Variants in EAF2 observed in about 807,000 individuals in gnomAD.
The protein encoded by EAF2 is ELL-associated factor 2.
In EAF2, 29 loss-of-function variants were observed where a neutral mutation model predicts 29.4. The observed-to-expected ratio is 0.99, with a 90% CI of 0.73 to 1.35. The LOEUF (loss-of-function observed/expected upper bound fraction) is 1.35. EAF2 is among the 40% of genes most tolerant of loss of function. The probability of loss-of-function intolerance (pLI) is 0.00; values close to 1 mark genes in which losing one functional copy is unlikely to be tolerated. For synonymous variants in EAF2, 103 were observed against 102.5 expected (o/e 1.00, Z -0.03); for missense variants, 292 against 312.0 (o/e 0.94, Z 0.48).
intron 5 of EAF2, among the ~76,000 whole-genome samples, chr3:121,877,241 A>C (rs1347646091): frequency 6.6e-6 from 1 of 151,682 alleles, no homozygotes; most frequent in Non-Finnish European, 1.5e-5. Context: ...GTATGTATAA[A>C]ACATAACAGA....
chr3:121,863,023 G>A (rs1576649178), intron 4 of EAF2, among the ~76,000 whole-genome samples: 2 of 152,234 alleles, frequency 1.3e-5, no homozygotes, highest in East Asian at 3.9e-4. Flanking sequence ...TATTGCAGAA[G>A]GGCAAATGTT....
chr3:121,846,114 C>T (rs987016974), intron 2 of EAF2, among the ~76,000 whole-genome samples: 1 of 152,068 alleles, frequency 6.6e-6, no homozygotes, highest in Non-Finnish European at 1.5e-5. Context: ...TCCACATTCT[C>T]CTTTATGCAT....
intron 3 of EAF2, among the ~76,000 whole-genome samples, chr3:121,856,254 C>T (rs993074033): frequency 1.3e-5 from 2 of 150,902 alleles, no homozygotes; most frequent in African/African-American, 2.4e-5. Flanking sequence ...ACCTGTTATA[C>T]ACTTATATTT....
chr3:121,885,672 ATTCTCCATT>A (rs1246567675), intron 5 of EAF2, among the ~76,000 whole-genome samples: 1 of 152,096 alleles, frequency 6.6e-6, no homozygotes, highest in Non-Finnish European at 1.5e-5. Flanking sequence ...TCACCTCCAC[ATTCTCCATT>A]TTTTATGACT....
intron 3 of EAF2, 81 bp from the exon 4 acceptor site, chr3:121,856,930 T>C (rs1708728750): frequency 1.7e-6 from 2 of 1,165,130 alleles, no homozygotes; most frequent in South Asian, 3.1e-5. Context: ...GAATAAGTGG[T>C]CAGTTTTAGT....
At position 121,865,608 on chromosome 3, in the gene EAF2, G is replaced by A. The variant is rs531370743; in HGVS notation, c.485-6929G>A. ...TGTAATCCCAGCACTTTGGGAGGCC[G>A]AGGTGGGAGGATCGTTTGAGGCCAG... is the stretch of plus-strand genomic sequence containing the variant. On this transcript the variant is annotated intron_variant, in intron 4 of 5. Transcript: ENST00000273668. Among the ~76,000 whole-genome samples, 10 of 151,966 alleles carry A rather than the reference G, an allele frequency of 6.6e-5. No homozygotes were observed. In the East Asian group the frequency reaches 1.4e-3, roughly 21 times the overall value.
intron 4 of EAF2, among the ~76,000 whole-genome samples, chr3:121,860,175 C>T (rs1187432097): frequency 1.3e-5 from 2 of 152,218 alleles, no homozygotes; most frequent in African/African-American, 4.8e-5. Flanking sequence ...CAGGATGATG[C>T]TGGCCTCATC....
At chr3:121,846,405 T>C (rs1272812230) in intron 2 of EAF2, among the ~76,000 whole-genome samples, 1 of 152,238 alleles carries the variant, frequency 6.6e-6, no homozygotes, top group African/African-American at 2.4e-5. Flanking sequence ...TACTCTGTTA[T>C]GAAAAATTGT....
intron 1 of EAF2, among the ~76,000 whole-genome samples, chr3:121,838,197 G>A (rs1708340152): frequency 6.6e-6 from 1 of 152,118 alleles, no homozygotes; most frequent in Admixed American, 6.5e-5. Flanking sequence ...TACTCTTCAT[G>A]CAATATAATA....
intron 5 of EAF2, among the ~76,000 whole-genome samples, chr3:121,885,210 C>T (rs1709263627): frequency 6.6e-6 from 1 of 152,168 alleles, no homozygotes; most frequent in Non-Finnish European, 1.5e-5. Flanking sequence ...TCATTCTTCA[C>T]TTCTTTCTCT....
At chr3:121,882,953 T>C (rs924243168) in intron 5 of EAF2, among the ~76,000 whole-genome samples, 11 of 152,106 alleles carry the variant, frequency 7.2e-5, no homozygotes, top group Non-Finnish European at 1.0e-4. Flanking sequence ...AATTCTCCTT[T>C]ACTATTTTGA....
At chr3:121,878,397 G>A (rs1036219657) in intron 5 of EAF2, among the ~76,000 whole-genome samples, 6 of 151,936 alleles carry the variant, frequency 3.9e-5, no homozygotes, top group Non-Finnish European at 7.4e-5. Flanking sequence ...GTCCTTTTTG[G>A]GGGGTTAAGA....
chr3:121,853,665 T>C (rs904675882), intron 2 of EAF2, among the ~76,000 whole-genome samples: 1 of 152,208 alleles, frequency 6.6e-6, no homozygotes, highest in African/African-American at 2.4e-5. Flanking sequence ...TATACCTACA[T>C]TCTGGACTTC....
chr3:121,879,633 A>G (rs1200484557), intron 5 of EAF2, among the ~76,000 whole-genome samples: 8 of 65,840 alleles, frequency 1.2e-4, no homozygotes, highest in Non-Finnish European at 2.9e-4. Flanking sequence ...TTTTTTTTTA[A>G]GGATAACCAG....
At chr3:121,878,646 A>G (rs1256901991) in intron 5 of EAF2, among the ~76,000 whole-genome samples, 1 of 152,088 alleles carries the variant, frequency 6.6e-6, no homozygotes, top group Non-Finnish European at 1.5e-5. Flanking sequence ...GAGTGAAACC[A>G]TATGATATTT....
chr3:121,849,763 G>A (rs1211681651), intron 2 of EAF2, among the ~76,000 whole-genome samples: 1 of 152,030 alleles, frequency 6.6e-6, no homozygotes, highest in Non-Finnish European at 1.5e-5. Flanking sequence ...CAGGAACATA[G>A]TCCATTACAT....
rs368765515 is a variant in EAF2 at position 121,857,921 on chromosome 3, T to G, written c.484+765T>G. ...ACCTATGAGTGAGAACATGTGGTGT[T>G]TGGTTTTCTGTCCTTGCAGTAGTTT... On this transcript the variant is annotated intron_variant, in intron 4 of 5. Coordinates refer to ENST00000273668, the MANE Select transcript of EAF2 (RefSeq NM_018456.6). Among the ~76,000 whole-genome samples the G allele has an allele frequency of 3.2e-4, 49 of 152,294 alleles. No individual in the cohort carries two copies. The East Asian group carries it at 8.9e-3, about 28-fold the overall frequency.
chr3:121,867,731 C>T (rs2107533735), intron 4 of EAF2, among the ~76,000 whole-genome samples: 1 of 152,240 alleles, frequency 6.6e-6, no homozygotes, highest in East Asian at 1.9e-4. Context: ...GCAAACATAT[C>T]AATAAGTACA....
At chr3:121,879,288 C>T (rs139654248) in intron 5 of EAF2, among the ~76,000 whole-genome samples, 3 of 151,754 alleles carry the variant, frequency 2.0e-5, no homozygotes, top group Non-Finnish European at 4.4e-5. Context: ...GTTTTTAATC[C>T]CTTGTTGGAT....
Sources: allele counts gnomAD v4.1 joint callset (sites outside exome capture counted in the v4.1 genomes callset), GRCh38; gene constraint gnomAD v4.1.1; transcripts MANE v1.5; gene names NCBI Gene and HGNC (gene_info 2026-07-23, HGNC 2026-07-21).